Variants in FOXN2 observed in about 807,000 individuals in gnomAD.
FOXN2 encodes the protein forkhead box N2, also known as forkhead box protein N2.
FOXN2 carries 19 observed loss-of-function variants against 41.2 expected under a neutral mutation model. That is an observed-to-expected ratio of 0.46 (90% CI 0.32 to 0.68). The LOEUF (loss-of-function observed/expected upper bound fraction) is 0.68, where lower values mean the gene tolerates loss of function less well. FOXN2 is among the 30% of genes least tolerant of loss of function. The pLI is 0.03. For missense variants in FOXN2, 587 were observed against 509.4 expected, an observed-to-expected ratio of 1.15 and a Z score of -1.47; for synonymous variants, 195 against 176.8, an observed-to-expected ratio of 1.10 and a Z score of -0.82.
intron 3 of FOXN2, among the ~76,000 whole-genome samples, chr2:48,355,577 ATGTTTC>A (rs1320518979): frequency 6.6e-6 from 1 of 152,032 alleles, no homozygotes; most frequent in Non-Finnish European, 1.5e-5. Flanking sequence ...AATTTATGAA[ATGTTTC>A]TTGGGTCAGT....
chr2:48,345,376 A>C (rs1413805549), intron 2 of FOXN2, among the ~76,000 whole-genome samples: 2 of 152,056 alleles, frequency 1.3e-5, no homozygotes, highest in Non-Finnish European at 1.5e-5. Flanking sequence ...GATGTTAGTC[A>C]AAGAGTACAA....
At chr2:48,325,017 T>C (rs991988690) in intron 1 of FOXN2, among the ~76,000 whole-genome samples, 3 of 152,210 alleles carry the variant, frequency 2.0e-5, no homozygotes, top group African/African-American at 7.2e-5. Context: ...AGAAATGTAT[T>C]TGAACAGGAT....
At chr2:48,357,015 G>T (rs1671838483) in intron 3 of FOXN2, among the ~76,000 whole-genome samples, 1 of 152,088 alleles carries the variant, frequency 6.6e-6, no homozygotes, top group South Asian at 2.1e-4. Flanking sequence ...AATAATATAG[G>T]ACCAAAGCTT....
intron 3 of FOXN2, among the ~76,000 whole-genome samples, chr2:48,350,963 T>G (rs1222693966): frequency 6.6e-6 from 1 of 152,106 alleles, no homozygotes; most frequent in Non-Finnish European, 1.5e-5. Context: ...CTGTTACAAT[T>G]TATTTTATTT....
intron 5 of FOXN2, among the ~76,000 whole-genome samples, chr2:48,371,983 C>T (rs1044292582): frequency 6.6e-6 from 1 of 152,116 alleles, no homozygotes; most frequent in East Asian, 1.9e-4. Flanking sequence ...CAAACAGGGA[C>T]GTTTGACTTC....
intron 5 of FOXN2, among the ~76,000 whole-genome samples, chr2:48,372,758 ATAAT>A (rs1672991347): frequency 6.6e-6 from 1 of 152,096 alleles, no homozygotes; most frequent in South Asian, 2.1e-4. Context: ...AAAAACAATA[ATAAT>A]TATTTTTGTT....
intron 5 of FOXN2, among the ~76,000 whole-genome samples, chr2:48,370,695 T>A (rs547426312): frequency 2.6e-5 from 4 of 152,308 alleles, no homozygotes; most frequent in African/African-American, 9.6e-5. Context: ...CCTTTTATAT[T>A]GTAGATGTTA....
chr2:48,329,029 C>T (rs1669863540), intron 2 of FOXN2, among the ~76,000 whole-genome samples: 1 of 151,936 alleles, frequency 6.6e-6, no homozygotes, highest in Admixed American at 6.6e-5. Context: ...TTTTGTGGTA[C>T]TGCTTTTTGA....
intron 2 of FOXN2, among the ~76,000 whole-genome samples, chr2:48,334,413 TAAG>T (rs1670203186): frequency 6.6e-6 from 1 of 152,084 alleles, no homozygotes; most frequent in Admixed American, 6.5e-5. Flanking sequence ...AAGGAAAACA[TAAG>T]AAATTATGTG....
At chr2:48,328,861 T>G (rs919935875) in intron 2 of FOXN2, among the ~76,000 whole-genome samples, 159 bp downstream of exon 2, 1 of 152,214 alleles carries the variant, frequency 6.6e-6, no homozygotes, top group East Asian at 1.9e-4. Flanking sequence ...CTCTAAGAGC[T>G]GTAGTGGTTC....
At chr2:48,326,521 A>C (rs1476842002) in intron 1 of FOXN2, among the ~76,000 whole-genome samples, 3 of 152,184 alleles carry the variant, frequency 2.0e-5, no homozygotes, top group African/African-American at 7.2e-5. Context: ...TAGGGAGATT[A>C]ATTTAGGAAG....
chr2:48,327,473 T>G (rs1278116437), intron 1 of FOXN2, among the ~76,000 whole-genome samples: 1 of 152,112 alleles, frequency 6.6e-6, no homozygotes, highest in Non-Finnish European at 1.5e-5. Flanking sequence ...GAGATGGAAT[T>G]TCACTCTTAT....
At chr2:48,359,436 G>A (rs925972790) in intron 4 of FOXN2, among the ~76,000 whole-genome samples, 2 of 152,044 alleles carry the variant, frequency 1.3e-5, no homozygotes, top group Non-Finnish European at 2.9e-5. Context: ...TAGGACTACA[G>A]GCAAGCACCA....
intron 2 of FOXN2, among the ~76,000 whole-genome samples, chr2:48,330,653 T>A (rs1204265755): frequency 6.6e-6 from 1 of 152,110 alleles, no homozygotes; most frequent in African/African-American, 2.4e-5. Context: ...ATTGCTTGAT[T>A]TGCTGATGAC....
chr2:48,316,457 T>A (rs999570115), intron 1 of FOXN2, among the ~76,000 whole-genome samples: 6 of 152,220 alleles, frequency 3.9e-5, no homozygotes, highest in African/African-American at 1.4e-4. Context: ...AAAATCTATT[T>A]TTTTCTTTTT....
intron 6 of FOXN2, 140 bp from the exon 7 acceptor site, chr2:48,374,780 G>A (rs1048349732): frequency 2.9e-6 from 2 of 699,166 alleles, no homozygotes; most frequent in East Asian, 5.4e-5. Flanking sequence ...GATGTGATCT[G>A]GGTAAAAAAA....
At chr2:48,324,703 T>C (rs1669550654) in intron 1 of FOXN2, among the ~76,000 whole-genome samples, 1 of 152,230 alleles carries the variant, frequency 6.6e-6, no homozygotes, top group South Asian at 2.1e-4. Context: ...TTTCTTTCTT[T>C]GGTTAACGAT....
chr2:48,324,810 A>G (rs1669557345), intron 1 of FOXN2, among the ~76,000 whole-genome samples: 3 of 152,236 alleles, frequency 2.0e-5, no homozygotes, highest in African/African-American at 4.8e-5. Context: ...CTTAACATAA[A>G]TAACTACAGT....
chr2:48,314,223 G>T (rs186852570), upstream of FOXN2, among the ~76,000 whole-genome samples: 236 of 152,374 alleles, frequency 1.5e-3, 1 homozygote, highest in Middle Eastern at 3.4e-3. Context: ...GGCACCGAGG[G>T]CCGTACTGCC....
Sources: gnomAD v4.1 joint callset for allele counts (sites outside exome capture counted in the v4.1 genomes callset) on GRCh38, gnomAD v4.1.1 for gene constraint, MANE v1.5 for transcripts, NCBI Gene and HGNC (gene_info 2026-07-23, HGNC 2026-07-21) for gene names.